ADCY9: variants seen among roughly 807,000 people sequenced by gnomAD.
ADCY9 encodes adenylate cyclase 9.
ADCY9 carries 50 observed loss-of-function variants against 101.5 expected under a neutral mutation model. The observed-to-expected ratio is 0.49, with a 90% CI of 0.39 to 0.62. The LOEUF (loss-of-function observed/expected upper bound fraction) is 0.62. ADCY9 is among the 20% of genes least tolerant of loss of function. The probability of loss-of-function intolerance (pLI) is 0.00; values close to 1 mark genes in which losing one functional copy is unlikely to be tolerated. For missense variants in ADCY9, 1,662 were observed against 1,800.4 expected, an observed-to-expected ratio of 0.92 and a Z score of 1.39; for synonymous variants, 905 against 769.3, an observed-to-expected ratio of 1.18 and a Z score of -2.92.
At chr16:4,068,816 CAAA>C (rs370717036) in intron 2 of ADCY9, among the ~76,000 whole-genome samples, 1 of 119,236 alleles carries the variant, frequency 8.4e-6, no homozygotes, top group Non-Finnish European at 1.7e-5. Flanking sequence ...GACTCCATCT[CAAA>C]AAAAAAAAAA....
chr16:3,983,085 T>C, intron 7 of ADCY9, 147 bp downstream of exon 7: 1 of 762,382 alleles, frequency 1.3e-6, no homozygotes, highest in Non-Finnish European at 2.1e-6. Context: ...GGCACAGGGC[T>C]CGGGGAGGAC....
At chr16:4,005,190 C>A (rs1165737338) in intron 3 of ADCY9, among the ~76,000 whole-genome samples, 1 of 152,172 alleles carries the variant, frequency 6.6e-6, no homozygotes, top group African/African-American at 2.4e-5. Context: ...TGTTGAATAT[C>A]CCAAGCTTCC....
At chr16:4,079,796 CT>C (rs1327567742) in intron 2 of ADCY9, among the ~76,000 whole-genome samples, 1 of 151,840 alleles carries the variant, frequency 6.6e-6, no homozygotes, top group African/African-American at 2.4e-5. Context: ...CGTATATGCA[CT>C]GAAAAAGTCT....
chr16:4,023,024 A>C (rs752360199), intron 2 of ADCY9, among the ~76,000 whole-genome samples: 3 of 152,186 alleles, frequency 2.0e-5, no homozygotes, highest in Non-Finnish European at 4.4e-5. Context: ...GAATCAAATC[A>C]CATCTCTACA....
At chr16:3,971,258 C>T (rs767539746) in intron 10 of ADCY9, among the ~76,000 whole-genome samples, 10 of 152,084 alleles carry the variant, frequency 6.6e-5, no homozygotes, top group Non-Finnish European at 1.3e-4. Flanking sequence ...GTGACTCTAC[C>T]GGGAGAGGAC....
In ADCY9 at chr16:4,097,172, C is replaced by A. The variant is rs144689976; in HGVS notation, c.1693+16578G>T. 6.0e-3 allele frequency among the ~76,000 whole-genome samples: 919 copies of A among 152,128 alleles called. 10 individuals carry two copies. The highest frequency in any genetic ancestry group is 0.021 in the African/African-American group (875 of 41,498). ...CTCAGTCCTCTGTGTTTCTGCCCTG[C>A]GCCCCACGCCCTCAGCGCAGCACCT... On this transcript the variant is annotated intron_variant, in intron 2 of 10. Transcript: ENST00000294016.
chr16:4,042,155 C>T (rs1012544610), intron 2 of ADCY9, among the ~76,000 whole-genome samples: 5 of 152,022 alleles, frequency 3.3e-5, no homozygotes, highest in Non-Finnish European at 5.9e-5. Flanking sequence ...AAACTCCTGA[C>T]CTTATGATCC....
Position 3,974,564 on chromosome 16 carries a change from G to T in ADCY9, c.2870+105C>A, listed in dbSNP as rs3730137. ...TTTCTATTCTAAGAATGCACGTATT[G>T]TTCCTTTTATTCAAGATCCCATTGT... On this transcript the variant is annotated intron_variant, in intron 10 of 10. Coordinates refer to ENST00000294016, the MANE Select transcript of ADCY9 (RefSeq NM_001116.4). The T allele has an allele frequency of 1.5e-3, 1,373 of 901,172 alleles. 9 individuals carry two copies. In the African/African-American group the frequency reaches 0.019, roughly 13 times the overall value. 55.8% of individuals were successfully genotyped at this position (901,172 alleles called of 1,614,324 possible).
chr16:4,112,007 A>G (rs954996716), intron 2 of ADCY9, among the ~76,000 whole-genome samples: 3 of 152,230 alleles, frequency 2.0e-5, no homozygotes, highest in African/African-American at 7.2e-5. Context: ...GTAATACAGC[A>G]TACAAAGTAC....
Position 4,115,014 on chromosome 16 carries a change from G to C in ADCY9, c.429C>G (p.Ile143Met). Residue 143 changes from isoleucine to methionine, a missense_variant, in exon 2 of 11, where the codon ATC (isoleucine) becomes ATG (methionine). Coordinates refer to ENST00000294016, the MANE Select transcript of ADCY9 (RefSeq NM_001116.4). The surrounding 1 kb of genome is among the most constrained non-coding windows in gnomAD (Gnocchi z 6.2). ...AGCACAGCGCGGGGGCGACCATGACGATCAGTCTGGATCTCATGTGGACCG... is the reference window on the plus strand; with the variant it reads ...AGCACAGCGCGGGGGCGACCATGACCATCAGTCTGGATCTCATGTGGACCG... ...YFAVHMRSRLIVMVAPALCFL... is the reference protein window; with the variant it reads ...YFAVHMRSRLMVMVAPALCFL... The C allele has an allele frequency of 6.2e-7, 1 of 1,614,118 alleles. No homozygotes were observed. Among genetic ancestry groups the C allele is most frequent in the Non-Finnish European group, 8.5e-7 (1 of 1,180,046 alleles).
downstream of ADCY9, among the ~76,000 whole-genome samples, chr16:3,959,750 G>A (rs1282918248): frequency 6.6e-6 from 1 of 152,150 alleles, no homozygotes; most frequent in African/African-American, 2.4e-5. Flanking sequence ...TCAACGCTGG[G>A]CACAGTGGCT....
intron 2 of ADCY9, among the ~76,000 whole-genome samples, chr16:4,021,525 G>A (rs536237741): frequency 6.6e-6 from 1 of 152,282 alleles, no homozygotes; most frequent in African/African-American, 2.4e-5. Flanking sequence ...GTCTGTGTGA[G>A]CACACTGTAG....
At chr16:4,005,676 C>T (rs898919964) in intron 3 of ADCY9, among the ~76,000 whole-genome samples, 1 of 151,696 alleles carries the variant, frequency 6.6e-6, no homozygotes, top group African/African-American at 2.4e-5. Flanking sequence ...AGTGTAGAAT[C>T]GCCATTGCTA....
At chr16:4,030,192 G>A (rs576951270) in intron 2 of ADCY9, among the ~76,000 whole-genome samples, 1 of 152,226 alleles carries the variant, frequency 6.6e-6, no homozygotes, top group East Asian at 1.9e-4. Context: ...ATGCAAGTGT[G>A]CACCAGGATA....
At chr16:4,101,574 G>A (rs961839216) in intron 2 of ADCY9, among the ~76,000 whole-genome samples, 4 of 152,096 alleles carry the variant, frequency 2.6e-5, no homozygotes, top group Admixed American at 6.6e-5. Flanking sequence ...CACTGCACCT[G>A]GCCTGTACAG....
chr16:3,981,597 T>C (rs902350311), intron 7 of ADCY9, among the ~76,000 whole-genome samples: 4 of 152,070 alleles, frequency 2.6e-5, no homozygotes, highest in Non-Finnish European at 5.9e-5. Context: ...GCAGATCTTC[T>C]TTTTTTTCTT....
chr16:4,065,062 C>T (rs959885864), intron 2 of ADCY9, among the ~76,000 whole-genome samples: 4 of 152,082 alleles, frequency 2.6e-5, no homozygotes, highest in African/African-American at 7.2e-5. Context: ...CATCACCAGG[C>T]TTCAATTTAT....
At chr16:3,973,276 T>G (rs1176927647) in intron 10 of ADCY9, among the ~76,000 whole-genome samples, 1 of 152,116 alleles carries the variant, frequency 6.6e-6, no homozygotes, top group Non-Finnish European at 1.5e-5. Context: ...TGGCCGATCT[T>G]GGCTCACTGC....
chr16:4,014,682 A>C (rs1266247767), intron 2 of ADCY9, among the ~76,000 whole-genome samples: 3 of 151,892 alleles, frequency 2.0e-5, no homozygotes, highest in Non-Finnish European at 4.4e-5. Context: ...TCCTGACCTC[A>C]AATGATCCGC....
Sources: gnomAD v4.1 joint callset for allele counts (sites outside exome capture counted in the v4.1 genomes callset) on GRCh38, gnomAD v4.1.1 for gene constraint, Gnocchi (gnomAD v3.1) non-coding constraint, MANE v1.5 for transcripts, NCBI Gene and HGNC (gene_info 2026-07-23, HGNC 2026-07-21) for gene names.